Variants in FLT1 observed in about 807,000 individuals in gnomAD.
FLT1 encodes the protein vascular endothelial growth factor receptor 1.
A neutral mutation model predicts 156.3 loss-of-function variants in FLT1; 49 were observed. The observed-to-expected ratio is 0.31, with a 90% confidence interval of 0.25 to 0.40. The LOEUF (loss-of-function observed/expected upper bound fraction) is 0.40, where lower values mean the gene tolerates loss of function less well. FLT1 is among the 10% of genes least tolerant of loss of function. The pLI is 1.00. For synonymous variants in FLT1, 594 were observed against 583.8 expected (o/e 1.02, Z -0.25); for missense variants, 1,322 against 1,637.2 (o/e 0.81, Z 3.32).
rs996158821 is a variant in FLT1 at position 28,464,480 on chromosome 13, A to T, written c.388+2423T>A. Among the ~76,000 whole-genome samples the T allele has an allele frequency of 4.6e-5, 7 of 152,256 alleles. No individual in the cohort carries two copies. In the East Asian group the frequency reaches 1.3e-3, roughly 29 times the overall value. On this transcript the variant is annotated intron_variant, in intron 3 of 29. Coordinates refer to ENST00000282397, the MANE Select transcript of FLT1 (RefSeq NM_002019.4). Reference sequence around the variant, plus strand: ...TCCTCAATGTCAATTTTAACATAGTATTCCACAAAGCACCTGTTAATCCAT... The same window carrying T: ...TCCTCAATGTCAATTTTAACATAGTTTTCCACAAAGCACCTGTTAATCCAT...
chr13:28,405,730 G>C (rs1875748512), intron 11 of FLT1, 50 bp downstream of exon 11: 1 of 1,000,698 alleles, frequency 1.0e-6, no homozygotes, highest in Non-Finnish European at 1.6e-6. Context: ...TGGGAGCTGA[G>C]AGTGTATTTG....
intron 12 of FLT1, among the ~76,000 whole-genome samples, chr13:28,394,517 T>G (rs1052024316): frequency 6.6e-6 from 1 of 152,164 alleles, no homozygotes; most frequent in Non-Finnish European, 1.5e-5. Flanking sequence ...GGTAGAAATA[T>G]GATGCAGCGA....
chr13:28,388,522 A>T (rs943463731), intron 13 of FLT1: 1 of 1,040,420 alleles, frequency 9.6e-7, no homozygotes, highest in East Asian at 5.5e-5. Flanking sequence ...CAACAGAACA[A>T]TGCATATTAA....
At chr13:28,470,090 G>C (rs1197059620) in intron 1 of FLT1, among the ~76,000 whole-genome samples, 1 of 152,056 alleles carries the variant, frequency 6.6e-6, no homozygotes, top group Non-Finnish European at 1.5e-5. Flanking sequence ...GTAGATCCCG[G>C]TATCAAAGTA....
chr13:28,451,428 A>AAAAAC (rs1272084500), intron 3 of FLT1, among the ~76,000 whole-genome samples: 2 of 152,170 alleles, frequency 1.3e-5, no homozygotes, highest in Non-Finnish European at 2.9e-5. Context: ...GTCTCAAAAC[A>AAAAAC]AAAACAAAAC....
chr13:28,488,870 A>G (rs1032808840), intron 1 of FLT1, among the ~76,000 whole-genome samples: 2 of 152,252 alleles, frequency 1.3e-5, no homozygotes, highest in Admixed American at 6.5e-5. Context: ...TCAGGTATGC[A>G]TCTCAGCCCA....
intron 14 of FLT1, among the ~76,000 whole-genome samples, chr13:28,374,512 T>G (rs1227454807): frequency 6.6e-6 from 1 of 151,836 alleles, no homozygotes; most frequent in African/African-American, 2.4e-5. Flanking sequence ...CTCCTATTTC[T>G]TTTCTTTTTT....
intron 4 of FLT1, among the ~76,000 whole-genome samples, chr13:28,436,827 A>C (rs1433633642): frequency 6.6e-6 from 1 of 152,140 alleles, no homozygotes; most frequent in East Asian, 1.9e-4. Context: ...CACCTGACTT[A>C]AGTTTTCTAA....
intron 14 of FLT1, among the ~76,000 whole-genome samples, chr13:28,382,541 C>A (rs1874122987): frequency 6.6e-6 from 1 of 152,088 alleles, no homozygotes; most frequent in Admixed American, 6.5e-5. Context: ...ATGTTCACAG[C>A]TGCATTTTAT....
intron 4 of FLT1, 49 bp from the exon 5 acceptor site, chr13:28,434,269 G>A (rs2137553363): frequency 6.5e-7 from 1 of 1,535,998 alleles, no homozygotes; most frequent in South Asian, 1.1e-5. Context: ...GCACTGGTTG[G>A]CAATACTGTT....
At chr13:28,380,235 G>T (rs576655055) in intron 14 of FLT1, among the ~76,000 whole-genome samples, 1 of 152,162 alleles carries the variant, frequency 6.6e-6, no homozygotes, top group African/African-American at 2.4e-5. Flanking sequence ...AACAATTGGC[G>T]AATCAGGGAT....
chr13:28,328,630 C>T (rs1053195531), intron 19 of FLT1, among the ~76,000 whole-genome samples: 5 of 152,246 alleles, frequency 3.3e-5, no homozygotes, highest in Admixed American at 1.3e-4. Context: ...GGTTCCAGAA[C>T]GGGAAGTTGC....
intron 3 of FLT1, among the ~76,000 whole-genome samples, chr13:28,443,089 A>G (rs1878423528): frequency 6.6e-6 from 1 of 152,196 alleles, no homozygotes; most frequent in South Asian, 2.1e-4. Flanking sequence ...CCAGGGACTC[A>G]TGCCAACACT....
intron 12 of FLT1, among the ~76,000 whole-genome samples, chr13:28,392,151 C>T (rs1262298371): frequency 7.9e-5 from 12 of 152,258 alleles, no homozygotes; most frequent in African/African-American, 2.4e-4. Flanking sequence ...TAAAGTGTCA[C>T]GTCTGAAGAA....
intron 10 of FLT1, among the ~76,000 whole-genome samples, chr13:28,412,336 T>TTCTTTCTTTC (rs1876277070): frequency 1.3e-5 from 1 of 79,842 alleles, no homozygotes; most frequent in African/African-American, 4.0e-5. Context: ...TTTCTTTTCT[T>TTCTTTCTTTC]TCTTTCTTTC....
intron 25 of FLT1, among the ~76,000 whole-genome samples, chr13:28,313,888 T>C (rs1593671325): frequency 1.4e-5 from 1 of 70,600 alleles, no homozygotes. Flanking sequence ...TACAGGGAGG[T>C]AAAAAAAAAA....
chr13:28,476,452 G>A (rs1339740751), intron 1 of FLT1, among the ~76,000 whole-genome samples: 1 of 152,108 alleles, frequency 6.6e-6, no homozygotes, highest in Non-Finnish European at 1.5e-5. Flanking sequence ...TTGTGTTATT[G>A]GTCTTTAAGG....
Position 28,344,303 on chromosome 13 carries a change from G to A in FLT1, c.2355+1142C>T, listed in dbSNP as rs574284038. ...TGGCCTTCTGTCAGTCTCTCACTGT[G>A]TTCCCCCTCCCCTGCCCAGCCTCCT... On this transcript the variant is annotated intron_variant, in intron 16 of 29. Coordinates refer to ENST00000282397, the MANE Select transcript of FLT1 (RefSeq NM_002019.4). Among the ~76,000 whole-genome samples the A allele has an allele frequency of 2.0e-5, 3 of 152,122 alleles. No individual in the cohort carries two copies. The East Asian group carries it at 5.8e-4, about 29-fold the overall frequency.
At chr13:28,417,551 A>T (rs1437561125) in intron 10 of FLT1, among the ~76,000 whole-genome samples, 2 of 152,200 alleles carry the variant, frequency 1.3e-5, no homozygotes, top group Non-Finnish European at 2.9e-5. Context: ...ACATGCATCT[A>T]GTCCCGAGCT....
Sources: gnomAD v4.1 joint callset for allele counts (sites outside exome capture counted in the v4.1 genomes callset) on GRCh38, gnomAD v4.1.1 for gene constraint, MANE v1.5 for transcripts, NCBI Gene and HGNC (gene_info 2026-07-23, HGNC 2026-07-21) for gene names.